CNTNAP4: variants seen among roughly 807,000 people sequenced by gnomAD.
The protein encoded by CNTNAP4 is contactin associated protein family member 4.
Under a neutral mutation model 148.4 loss-of-function variants are expected in CNTNAP4, and 98 were observed. That is an observed-to-expected ratio of 0.66 (90% CI 0.56 to 0.78). The LOEUF is 0.78. Ranked by LOEUF, CNTNAP4 falls within the 30% of genes least tolerant of loss-of-function variation. The pLI is 0.00. For synonymous variants in CNTNAP4, 730 were observed against 565.1 expected, an observed-to-expected ratio of 1.29 and a Z score of -4.14; for missense variants, 1,935 against 1,565.6, an observed-to-expected ratio of 1.24 and a Z score of -3.98.
At chr16:76,377,133 A>G (rs1266759279) in intron 3 of CNTNAP4, among the ~76,000 whole-genome samples, 2 of 152,120 alleles carry the variant, frequency 1.3e-5, no homozygotes, top group African/African-American at 2.4e-5. Context: ...ATTCCCTCTT[A>G]TTCCAGGGAA....
At chr16:76,538,592 A>C (rs1020476909) in intron 19 of CNTNAP4, among the ~76,000 whole-genome samples, 3 of 151,980 alleles carry the variant, frequency 2.0e-5, no homozygotes, top group African/African-American at 7.2e-5. Flanking sequence ...ATTTATATAA[A>C]ACATTTATTA....
intron 1 of CNTNAP4, among the ~76,000 whole-genome samples, chr16:76,303,301 G>A (rs74674360): frequency 0.027 from 4,093 of 152,054 alleles, 75 homozygotes; most frequent in Middle Eastern, 0.068. Flanking sequence ...TTATCACTAG[G>A]AAACATTTCA....
rs2081550224 is a variant in CNTNAP4, at chr16:76,475,700, G to C, written c.1656-239G>C. On this transcript the variant is annotated intron_variant, in intron 10 of 23. Coordinates refer to ENST00000611870, the MANE Select transcript of CNTNAP4 (RefSeq NM_033401.5). ...TCACTGAGGGAAAATGAAGGGCTCT[G>C]ATGTAGTGGGACATGTTGAAAATTA... is the stretch of plus-strand genomic sequence containing the variant. 2.0e-5 allele frequency among the ~76,000 whole-genome samples: 3 copies of C among 152,206 alleles called. No homozygotes were observed. In the South Asian group the frequency reaches 6.2e-4, roughly 32 times the overall value.
rs201597968 is a variant in CNTNAP4 at position 76,384,388 on chromosome 16, G to C, written c.390+28877G>C. On this transcript the variant is annotated intron_variant, in intron 3 of 23. Transcript: ENST00000611870. ...ACAACTTTACTTGTAATAAGTTAAG[G>C]CTGGCAGTAATGAGCACCATGAGGA... Among the ~76,000 whole-genome samples, 16 of 152,132 alleles carry C rather than the reference G, an allele frequency of 1.1e-4. No homozygotes were observed. In the East Asian group the frequency reaches 2.7e-3, roughly 26 times the overall value.
intron 1 of CNTNAP4, among the ~76,000 whole-genome samples, chr16:76,314,286 C>G (rs1961466056): frequency 6.6e-6 from 1 of 152,164 alleles, no homozygotes; most frequent in African/African-American, 2.4e-5. Context: ...GTTCTTGAAT[C>G]TTGCGAAAGA....
At chr16:76,335,520 A>G (rs1357895753) in intron 2 of CNTNAP4, among the ~76,000 whole-genome samples, 1 of 152,254 alleles carries the variant, frequency 6.6e-6, no homozygotes, top group Admixed American at 6.5e-5. Context: ...GAAAGGAAGG[A>G]TGAGGGTAAG....
intron 3 of CNTNAP4, among the ~76,000 whole-genome samples, chr16:76,424,358 T>A (rs1475882266): frequency 3.3e-5 from 5 of 152,192 alleles, no homozygotes; most frequent in Non-Finnish European, 5.9e-5. Flanking sequence ...GGGATTGTGT[T>A]AGTCTGCCAG....
intron 3 of CNTNAP4, among the ~76,000 whole-genome samples, chr16:76,417,433 A>G (rs996395756): frequency 1.3e-5 from 2 of 151,486 alleles, no homozygotes; most frequent in Admixed American, 6.6e-5. Context: ...TAATAATACT[A>G]TTCTACTTAT....
At chr16:76,319,776 T>C (rs1962214604) in intron 2 of CNTNAP4, among the ~76,000 whole-genome samples, 1 of 152,084 alleles carries the variant, frequency 6.6e-6, no homozygotes, top group Admixed American at 6.6e-5. Flanking sequence ...CATCAGAAGT[T>C]AGAAAGAAAG....
intron 1 of CNTNAP4, among the ~76,000 whole-genome samples, chr16:76,299,496 C>G (rs1959699874): frequency 6.6e-6 from 1 of 152,056 alleles, no homozygotes; most frequent in Non-Finnish European, 1.5e-5. Flanking sequence ...CAGGAAACAA[C>G]AGGTGCTGGA....
intron 3 of CNTNAP4, among the ~76,000 whole-genome samples, chr16:76,378,978 A>T (rs1414985824): frequency 1.3e-5 from 2 of 152,034 alleles, no homozygotes; most frequent in African/African-American, 4.8e-5. Flanking sequence ...TGTGACTTTG[A>T]CTCAAAGTTT....
At chr16:76,310,035 G>A (rs545130188) in intron 1 of CNTNAP4, 5 of 596,272 alleles carry the variant, frequency 8.4e-6, no homozygotes, top group South Asian at 5.9e-5. Context: ...GGTTGCTTCA[G>A]ACAGAAGTCT....
At chr16:76,480,370 G>A (rs914514676) in intron 12 of CNTNAP4, among the ~76,000 whole-genome samples, 1 of 152,000 alleles carries the variant, frequency 6.6e-6, no homozygotes, top group African/African-American at 2.4e-5. Flanking sequence ...TCAAACACAT[G>A]GTAGTAAATG....
chr16:76,464,845 C>T (rs1332941328), intron 9 of CNTNAP4, among the ~76,000 whole-genome samples: 3 of 152,160 alleles, frequency 2.0e-5, no homozygotes, highest in Non-Finnish European at 4.4e-5. Flanking sequence ...TTCACAAAGT[C>T]GGACTGTATT....
chr16:76,329,412 CTTTACTATTTATAGT>C (rs1963304562), intron 2 of CNTNAP4, among the ~76,000 whole-genome samples: 1 of 152,246 alleles, frequency 6.6e-6, no homozygotes, highest in East Asian at 1.9e-4. Flanking sequence ...TTGTTTATAG[CTTTACTATTTATAGT>C]TTTATAATTT....
intron 11 of CNTNAP4, among the ~76,000 whole-genome samples, chr16:76,477,089 A>G (rs2081613144): frequency 6.6e-6 from 1 of 152,120 alleles, no homozygotes; most frequent in Non-Finnish European, 1.5e-5. Flanking sequence ...AAAGAAATAG[A>G]TATTAATCTA....
intron 2 of CNTNAP4, among the ~76,000 whole-genome samples, chr16:76,339,616 A>T (rs1453258409): frequency 6.6e-6 from 1 of 152,208 alleles, no homozygotes; most frequent in Non-Finnish European, 1.5e-5. Context: ...GCTCATTACA[A>T]AGGTCTGTCA....
intron 2 of CNTNAP4, among the ~76,000 whole-genome samples, chr16:76,346,808 A>T (rs2144405798): frequency 6.6e-6 from 1 of 152,292 alleles, no homozygotes; most frequent in South Asian, 2.1e-4. Context: ...CAAATACACA[A>T]ATCAAAATGC....
In CNTNAP4 at chr16:76,467,487, G is replaced by A; in HGVS notation, c.1619G>A (p.Ser540Asn). 1 of 1,613,876 alleles carries A rather than the reference G, an allele frequency of 6.2e-7. No individual in the cohort carries two copies. The highest frequency in any genetic ancestry group is 8.5e-7 in the Non-Finnish European group (1 of 1,179,832). Residue 540 changes from serine (S) to asparagine (N), a missense_variant, in exon 10 of 24, where the codon AGT (serine) becomes AAT (asparagine). Coordinates refer to ENST00000611870, the MANE Select transcript of CNTNAP4 (RefSeq NM_033401.5). ...SVQQGSLGNF[S>N]DLQIDSCGIS... The stretch of plus-strand genomic sequence containing the variant: ...CAGCAGGGGTCCCTTGGGAACTTCA[G>A]TGACCTTCAGATAGACTCATGTGGC...
Sources: allele counts gnomAD v4.1 joint callset (sites outside exome capture counted in the v4.1 genomes callset), GRCh38; gene constraint gnomAD v4.1.1; transcripts MANE v1.5; gene names NCBI Gene and HGNC (gene_info 2026-07-23, HGNC 2026-07-21).